The following NFATC3 variants were observed in gnomAD, a reference collection of about 807,000 sequenced individuals.
NFATC3 encodes the protein nuclear factor of activated T-cells, cytoplasmic 3.
In NFATC3, 46 loss-of-function variants were observed where a neutral mutation model predicts 98.6. The ratio of observed to expected loss-of-function variants is 0.47; its 90% CI spans 0.37 to 0.60. The LOEUF (loss-of-function observed/expected upper bound fraction) is 0.60, where lower values mean the gene tolerates loss of function less well. Ranked by LOEUF, NFATC3 falls within the 20% of genes least tolerant of loss-of-function variation. NFATC3 has a pLI of 0.00. For synonymous variants in NFATC3, 512 were observed against 472.2 expected, an observed-to-expected ratio of 1.08 and a Z score of -1.09; for missense variants, 1,256 against 1,295.5, an observed-to-expected ratio of 0.97 and a Z score of 0.47.
intron 3 of NFATC3, among the ~76,000 whole-genome samples, chr16:68,136,060 C>T (rs1488491162): frequency 1.3e-5 from 2 of 151,596 alleles, no homozygotes; most frequent in African/African-American, 2.4e-5. Context: ...TGAAACATTC[C>T]ATCTCAAAAA....
intron 3 of NFATC3, among the ~76,000 whole-genome samples, chr16:68,141,800 A>G (rs2037766946): frequency 6.6e-6 from 1 of 152,114 alleles, no homozygotes; most frequent in African/African-American, 2.4e-5. Context: ...ACAGTGCAGA[A>G]TCTTTTTAGT....
chr16:68,111,849 C>T (rs922779823), intron 1 of NFATC3, among the ~76,000 whole-genome samples: 2 of 152,122 alleles, frequency 1.3e-5, no homozygotes, highest in Non-Finnish European at 2.9e-5. Context: ...ATTTGCTTGT[C>T]TGAAAAGGAC....
chr16:68,214,615 A>T (rs1335514617), intron 9 of NFATC3, among the ~76,000 whole-genome samples: 1 of 152,186 alleles, frequency 6.6e-6, no homozygotes, highest in Non-Finnish European at 1.5e-5. Flanking sequence ...AACCACACTC[A>T]GGCTCTTACA....
At chr16:68,201,270 G>T (rs2040898785) in intron 9 of NFATC3, among the ~76,000 whole-genome samples, 1 of 150,428 alleles carries the variant, frequency 6.6e-6, no homozygotes. Flanking sequence ...TCACTCTGTT[G>T]CACAGGCTGG....
chr16:68,222,486 G>C (rs1161707254), intron 9 of NFATC3, among the ~76,000 whole-genome samples: 3 of 152,028 alleles, frequency 2.0e-5, no homozygotes, highest in Non-Finnish European at 4.4e-5. Flanking sequence ...TATTGCCTTT[G>C]GAAGTGATAA....
rs779095895 is a variant in NFATC3 at position 68,191,501 on chromosome 16, T to A, written c.2832T>A (p.Ser944=). 9 of 1,614,104 alleles carry A rather than the reference T, an allele frequency of 5.6e-6. No individual in the cohort carries two copies. The South Asian group carries it at 9.9e-5, about 18-fold the overall frequency. Residue 944 remains serine (S), a synonymous_variant, in exon 9 of 10, where the codon TCT becomes TCA. Transcript: ENST00000346183. ...GTTCACCGCTTTCTGGGCCACCATC[T>A]CCTCAGCTTCAGCCTATGCCTTACC... is the stretch of plus-strand genomic sequence containing the variant. The part of the protein sequence containing the change: ...LASSPLSGPP[S]PQLQPMPYQS...
At chr16:68,091,082 C>A (rs535753861) in intron 1 of NFATC3, among the ~76,000 whole-genome samples, 1 of 152,128 alleles carries the variant, frequency 6.6e-6, no homozygotes, top group Admixed American at 6.5e-5. Flanking sequence ...TAAAAACATT[C>A]ATCATTGCAA....
intron 8 of NFATC3, among the ~76,000 whole-genome samples, chr16:68,184,639 TA>T (rs2040097217): frequency 6.6e-6 from 1 of 151,634 alleles, no homozygotes; most frequent in South Asian, 2.1e-4. Flanking sequence ...CCGTCTCTAC[TA>T]AAAAATACAA....
intron 4 of NFATC3, among the ~76,000 whole-genome samples, chr16:68,163,926 C>G (rs1193863750): frequency 1.3e-5 from 2 of 150,324 alleles, no homozygotes; most frequent in African/African-American, 2.5e-5. Flanking sequence ...GACTGGGCAG[C>G]CAGGCAGAGG....
intron 5 of NFATC3, among the ~76,000 whole-genome samples, chr16:68,171,652 T>G: frequency 6.6e-6 from 1 of 151,990 alleles, no homozygotes; most frequent in South Asian, 2.1e-4. Flanking sequence ...TTTTTTATTT[T>G]TAAATAAAGA....
At chr16:68,110,105 A>G (rs1346658738) in intron 1 of NFATC3, among the ~76,000 whole-genome samples, 1 of 151,680 alleles carries the variant, frequency 6.6e-6, no homozygotes, top group African/African-American at 2.4e-5. Context: ...CCTGGGTTCA[A>G]GCAATTCTCC....
intron 3 of NFATC3, among the ~76,000 whole-genome samples, chr16:68,129,499 G>C (rs2037011061): frequency 6.6e-6 from 1 of 151,806 alleles, no homozygotes; most frequent in African/African-American, 2.4e-5. Flanking sequence ...ATTCTTTCTT[G>C]CTTCATGCCA....
At chr16:68,132,898 G>A (rs1396952978) in intron 3 of NFATC3, among the ~76,000 whole-genome samples, 1 of 152,112 alleles carries the variant, frequency 6.6e-6, no homozygotes, top group East Asian at 1.9e-4. Context: ...GTTGGTCAAT[G>A]GATACAAAAT....
intron 9 of NFATC3, among the ~76,000 whole-genome samples, chr16:68,199,184 G>A (rs1416590554): frequency 6.6e-6 from 1 of 151,902 alleles, no homozygotes; most frequent in East Asian, 2.0e-4. Context: ...CCACTGCACT[G>A]CAGCGTGGGC....
intron 3 of NFATC3, among the ~76,000 whole-genome samples, chr16:68,153,441 A>G (rs1038000467): frequency 5.3e-5 from 8 of 152,082 alleles, no homozygotes; most frequent in Non-Finnish European, 8.8e-5. Flanking sequence ...AAAAAGTTAG[A>G]TAGCAAAGCA....
chr16:68,180,568 G>A (rs180839421), intron 6 of NFATC3, among the ~76,000 whole-genome samples: 9 of 152,162 alleles, frequency 5.9e-5, no homozygotes, highest in Admixed American at 3.3e-4. Context: ...TGTTACATAG[G>A]TGTAGATGTG....
At chr16:68,161,708 A>C (rs558137178) in intron 4 of NFATC3, among the ~76,000 whole-genome samples, 72 of 152,242 alleles carry the variant, frequency 4.7e-4, no homozygotes, top group African/African-American at 1.7e-3. Flanking sequence ...CTAGACTTGG[A>C]GTTTACTTCC....
chr16:68,217,465 A>C (rs2041680892), intron 9 of NFATC3, among the ~76,000 whole-genome samples: 1 of 85,370 alleles, frequency 1.2e-5, no homozygotes, highest in Admixed American at 1.1e-4. Context: ...TCTCTGTCTC[A>C]AAAAAAAAAA....
intron 8 of NFATC3, among the ~76,000 whole-genome samples, chr16:68,190,023 A>T (rs2040370361): frequency 6.6e-6 from 1 of 152,242 alleles, no homozygotes; most frequent in Admixed American, 6.5e-5. Context: ...TGGCCGACAG[A>T]GTGAGACCCT....
Sources: allele counts gnomAD v4.1 joint callset (sites outside exome capture counted in the v4.1 genomes callset), GRCh38; gene constraint gnomAD v4.1.1; transcripts MANE v1.5; gene names NCBI Gene and HGNC (gene_info 2026-07-23, HGNC 2026-07-21).